DEF8: variants seen among roughly 807,000 people sequenced by gnomAD.
DEF8 encodes the protein differentially expressed in FDCP 8 homolog.
Under a neutral mutation model 59.1 loss-of-function variants are expected in DEF8, and 38 were observed. The observed-to-expected ratio is 0.64, with a 90% confidence interval of 0.50 to 0.84. DEF8 has a LOEUF of 0.84. DEF8 is among the 40% of genes least tolerant of loss of function. DEF8 has a pLI of 0.00. For synonymous variants in DEF8, 265 were observed against 250.1 expected (o/e 1.06, Z -0.56); for missense variants, 557 against 615.2 (o/e 0.91, Z 1.00).
At chr16:89,959,607 G>A (rs2033752440) in intron 6 of DEF8, among the ~76,000 whole-genome samples, 3 of 152,214 alleles carry the variant, frequency 2.0e-5, no homozygotes. Context: ...CCGTTCTCCT[G>A]CCTCAGCCTC....
Position 89,967,604 on chromosome 16 carries a change from C to A in DEF8, c.*1641C>A. 1 of 397,560 alleles carries A rather than the reference C, an allele frequency of 2.5e-6. No individual in the cohort carries two copies. Among genetic ancestry groups the A allele is most frequent in the Non-Finnish European group, 4.4e-6 (1 of 225,940 alleles). The allele number at this position is 397,560 out of a possible 1,614,324, so 24.6% of individuals were successfully genotyped here. On this transcript the variant is annotated 3_prime_UTR_variant, in exon 13 of 13. Coordinates refer to ENST00000563594, the MANE Select transcript of DEF8 (RefSeq NM_001242818.2). ...ACAGTGTGGGTTCCTGTCCTGTTTC[C>A]CCTTCCTCTTTGGGGCTGAGGAGGA... is the stretch of plus-strand genomic sequence containing the variant.
rs1323686814 is a variant in DEF8, at chr16:89,957,519, C to T, written c.231C>T (p.Phe77=). Residue 77 remains phenylalanine (F), a synonymous_variant, in exon 5 of 13, where the codon TTC becomes TTT. Coordinates refer to ENST00000563594, the MANE Select transcript of DEF8 (RefSeq NM_001242818.2). The part of the protein sequence containing the change: ...EDHFSRPVGL[F]LASDVQQLRQ... ...GCCCCCAACCTGGGCAGGGTCTGTT[C>T]CTGGCCTCTGACGTCCAGCAGCTGC... The T allele has an allele frequency of 1.3e-6, 2 of 1,586,616 alleles. No individual in the cohort carries two copies. Among genetic ancestry groups the T allele is most frequent in the Non-Finnish European group, 1.7e-6 (2 of 1,166,968 alleles).
Position 89,967,454 on chromosome 16 carries a change from T to G in DEF8, c.*1491T>G. 4 of 398,636 alleles carry G rather than the reference T, an allele frequency of 1.0e-5. No individual in the cohort carries two copies. The highest frequency in any genetic ancestry group is 1.8e-5 in the Non-Finnish European group (4 of 226,064). 24.7% of individuals were successfully genotyped at this position (398,636 alleles called of 1,614,324 possible). A position where few individuals can be genotyped will look rare whatever the true frequency, so the allele number is the denominator to read the frequency against. ...GTGGTGGCTTTAGGCAAGGTTCTTA[T>G]TGTCTGCTCTGCCTCGGTTTCCCCA... On this transcript the variant is annotated 3_prime_UTR_variant, in exon 13 of 13. Coordinates refer to ENST00000563594, the MANE Select transcript of DEF8 (RefSeq NM_001242818.2).
chr16:89,967,212 C>T lies in DEF8; in HGVS notation c.*1249C>T, dbSNP rs746330436. On this transcript the variant is annotated 3_prime_UTR_variant, in exon 13 of 13. Transcript: ENST00000563594. ...CTTTTCCCCCACACCCTGGACTGTG[C>T]TTGGCTGTTGGTGCACATGGTTGGC... 4 of 398,562 alleles carry T rather than the reference C, an allele frequency of 1.0e-5. No individual in the cohort carries two copies. The highest frequency in any genetic ancestry group is 1.8e-5 in the Non-Finnish European group (4 of 226,176). 24.7% of individuals were successfully genotyped at this position (398,562 alleles called of 1,614,324 possible).
At chr16:89,950,254 G>C (rs1393024144) in intron 2 of DEF8, 2 of 985,582 alleles carry the variant, frequency 2.0e-6, no homozygotes, top group African/African-American at 3.5e-5. Flanking sequence ...GTGCCAGTCT[G>C]TTCTGAGCAG....
At position 89,964,307 on chromosome 16, in the gene DEF8, C is replaced by T. The variant is rs751104438; in HGVS notation, c.1140C>T (p.Cys380=). 18 of 1,585,000 alleles carry T rather than the reference C, an allele frequency of 1.1e-5. No individual in the cohort carries two copies. Among genetic ancestry groups the T allele is most frequent in the East Asian group, 4.5e-5 (2 of 44,116 alleles). ...TCGCCAAGCACATCAAGCTGGACTG[C>T]GAGGTGGGCCTCTGCCCGAGGGCCG... ...TLFAKHIKLD[C]ERCQAKGFVC... Residue 380 remains cysteine (C), a synonymous_variant, in exon 11 of 13, where the codon TGC becomes TGT. Coordinates refer to ENST00000563594, the MANE Select transcript of DEF8 (RefSeq NM_001242818.2).
In DEF8 at chr16:89,954,182, G is replaced by C; in HGVS notation, c.-10-61G>C. On this transcript the variant is annotated intron_variant, in intron 2 of 12. Transcript: ENST00000563594. This position sits in a 1 kb window ranked among gnomAD's most constrained non-coding sequence, Gnocchi z 4.3. ...AGACACCCCAGTGTGGTTGGGGAAA[G>C]GGGGTGGTCCGTGGTGAGCCTGGTA... 1 of 1,576,694 alleles carries C rather than the reference G, an allele frequency of 6.3e-7. No homozygotes were observed.
At position 89,948,800 on chromosome 16, in the gene DEF8, C is replaced by A; in HGVS notation, c.-122C>A. ...ATCCAGCGCAGCCGGGAGACAGATG[C>A]GAGGCGGCGGTCAGGTGAGCGGCGC... On this transcript the variant is annotated 5_prime_UTR_variant, in exon 1 of 13. Coordinates refer to ENST00000563594, the MANE Select transcript of DEF8 (RefSeq NM_001242818.2). 1.0e-6 allele frequency: 1 copy of A among 980,374 alleles called. No individual in the cohort carries two copies. Among genetic ancestry groups the A allele is most frequent in the Non-Finnish European group, 1.2e-6 (1 of 828,786 alleles). 60.7% of individuals were successfully genotyped at this position (980,374 alleles called of 1,614,324 possible).
Position 89,949,355 on chromosome 16 carries a change from G to A in DEF8, c.-107-62G>A. The A allele has an allele frequency of 2.2e-6, 3 of 1,391,222 alleles. No individual in the cohort carries two copies. In the South Asian group the frequency reaches 3.8e-5, roughly 17 times the overall value. The allele number at this position is 1,391,222 out of a possible 1,614,324, so 86.2% of individuals were successfully genotyped here. A position where few individuals can be genotyped will look rare whatever the true frequency, so the allele number is the denominator to read the frequency against. ...TGCCCCCGAGGAGCCCGGGAGACCGGGCGAGCTCCCGCGGGTGTGGTGGGT... is the reference window on the plus strand; with the variant it reads ...TGCCCCCGAGGAGCCCGGGAGACCGAGCGAGCTCCCGCGGGTGTGGTGGGT... On this transcript the variant is annotated intron_variant, in intron 1 of 12. Coordinates refer to ENST00000563594, the MANE Select transcript of DEF8 (RefSeq NM_001242818.2).
At position 89,957,596 on chromosome 16, in the gene DEF8, C is replaced by T. The variant is rs757957570; in HGVS notation, c.308C>T (p.Ser103Leu). 16 of 1,585,026 alleles carry T rather than the reference C, an allele frequency of 1.0e-5. No individual in the cohort carries two copies. The highest frequency in any genetic ancestry group is 2.3e-5 in the South Asian group (2 of 87,106). Residue 103 changes from serine (S) to leucine (L), a missense_variant, in exon 5 of 13, where the codon TCG (serine) becomes TTG (leucine). Transcript: ENST00000563594. ...GTGATTCTGGAGCTGCCCGAGCAGTCGGAGAAGCAGAAGGATGCCGTGGTG... is the reference window on the plus strand; with the variant it reads ...GTGATTCTGGAGCTGCCCGAGCAGTTGGAGAAGCAGAAGGATGCCGTGGTG... The part of the protein sequence containing the change: ...KQVILELPEQ[S>L]EKQKDAVVRL...
intron 6 of DEF8, 67 bp from the exon 7 acceptor site, chr16:89,960,864 C>T: frequency 1.3e-6 from 2 of 1,553,580 alleles, no homozygotes; most frequent in Non-Finnish European, 1.8e-6. Context: ...GGCAAGCCAG[C>T]TGAGGGTGGC....
At chr16:89,953,142 A>G (rs1252168871) in intron 2 of DEF8, among the ~76,000 whole-genome samples, 2 of 152,222 alleles carry the variant, frequency 1.3e-5, no homozygotes, top group East Asian at 3.8e-4. Context: ...AGCATAACTA[A>G]CACTGTTGCA....
chr16:89,948,948 GGC>G (rs2031292615), intron 1 of DEF8, 134 bp downstream of exon 1: 2 of 47,430 alleles, frequency 4.2e-5, no homozygotes, highest in African/African-American at 3.0e-4. Flanking sequence ...GCGGGGACGG[GGC>G]TGGGAGGGAC....
chr16:89,955,499 G>A (rs543771645), intron 4 of DEF8, among the ~76,000 whole-genome samples: 3 of 152,202 alleles, frequency 2.0e-5, no homozygotes, highest in Non-Finnish European at 4.4e-5. Context: ...AGTGAAGGCA[G>A]GTGGAGAGAG....
chr16:89,959,864 A>C (rs1163204274), intron 6 of DEF8, among the ~76,000 whole-genome samples: 2 of 152,234 alleles, frequency 1.3e-5, no homozygotes, highest in African/African-American at 4.8e-5. Context: ...TGTCTGGAGG[A>C]ATGTTCTGGT....
intron 4 of DEF8, chr16:89,956,489 T>G (rs62052238): frequency 0.6 from 91,083 of 151,450 alleles, 28,668 homozygotes; most frequent in East Asian, 0.81. Flanking sequence ...CTTCATATAT[T>G]TGTTTCGTAT....
chr16:89,954,143 G>T lies in DEF8; in HGVS notation c.-10-100G>T. 1.4e-6 allele frequency: 2 copies of T among 1,392,126 alleles called. No individual in the cohort carries two copies. The highest frequency in any genetic ancestry group is 2.0e-6 in the Non-Finnish European group (2 of 1,014,576). The allele number at this position is 1,392,126 out of a possible 1,614,324, so 86.2% of individuals were successfully genotyped here. A position where few individuals can be genotyped will look rare whatever the true frequency, so the allele number is the denominator to read the frequency against. ...TACCCACTTTAGGGAAGTGAAAGAG[G>T]CCAGCCTCACCCCAGACACCCCAGT... On this transcript the variant is annotated intron_variant, in intron 2 of 12. Transcript: ENST00000563594. The surrounding 1 kb of genome is among the most constrained non-coding windows in gnomAD (Gnocchi z 4.3).
At chr16:89,958,881 A>C (rs567532070) in intron 5 of DEF8, 133 bp from the exon 6 acceptor site, 2 of 1,495,554 alleles carry the variant, frequency 1.3e-6, no homozygotes, top group South Asian at 2.6e-5. Context: ...GAAAAGGGAC[A>C]TGGCATTGTG....
rs1439045635 is a variant in DEF8 at position 89,948,857 on chromosome 16, GGGCC to G, written c.-108+47_-108+50del. 9.7e-3 allele frequency: 7,405 copies of G among 760,720 alleles called. 164 individuals are homozygous for G. The highest frequency in any genetic ancestry group is 0.015 in the Middle Eastern group (21 of 1,438). The allele number at this position is 760,720 out of a possible 1,614,324, so 47.1% of individuals were successfully genotyped here. ...GGCGGGGTCGGGGCCGGCGGGGACG[GGGCC>G]GGCGGGGACGGGGCCGGCGGGGACG... On this transcript the variant is annotated intron_variant, in intron 1 of 12. Transcript: ENST00000563594.
Sources: allele counts gnomAD v4.1 joint callset (sites outside exome capture counted in the v4.1 genomes callset), GRCh38; gene constraint gnomAD v4.1.1; non-coding constraint Gnocchi (gnomAD v3.1); transcripts MANE v1.5; gene names NCBI Gene and HGNC (gene_info 2026-07-23, HGNC 2026-07-21).